The following TSPAN14 variants were observed in gnomAD, a reference collection of about 807,000 sequenced individuals.
TSPAN14 encodes the protein tetraspanin 14, also known as tetraspanin-14.
A neutral mutation model predicts 36.6 loss-of-function variants in TSPAN14; 16 were observed. The observed-to-expected ratio is 0.44, with a 90% CI of 0.30 to 0.66. The LOEUF is 0.66. Ranked by LOEUF, TSPAN14 falls within the 30% of genes least tolerant of loss-of-function variation. The pLI is 0.12. For missense variants in TSPAN14, 231 were observed against 355.1 expected, an observed-to-expected ratio of 0.65 and a Z score of 2.81; for synonymous variants, 139 against 143.8, an observed-to-expected ratio of 0.97 and a Z score of 0.24.
At chr10:80,515,913 T>TG (rs1840914936) in intron 7 of TSPAN14, 2 of 381,700 alleles carry the variant, frequency 5.2e-6, no homozygotes, top group African/African-American at 2.0e-5. Context: ...TCTCCAGATG[T>TG]GGATGGTGGG....
At chr10:80,469,521 A>C (rs1846423173) in intron 1 of TSPAN14, among the ~76,000 whole-genome samples, 1 of 151,162 alleles carries the variant, frequency 6.6e-6, no homozygotes. Flanking sequence ...TGAGACCCTG[A>C]CTCTCCTGCT....
chr10:80,466,739 G>A (rs1189460732), intron 1 of TSPAN14, among the ~76,000 whole-genome samples: 3 of 152,180 alleles, frequency 2.0e-5, no homozygotes, highest in African/African-American at 7.2e-5. Context: ...TCTGCGTCCT[G>A]GGAAAAGCAC....
At chr10:80,494,770 G>A (rs1272813345) in intron 2 of TSPAN14, among the ~76,000 whole-genome samples, 4 of 152,188 alleles carry the variant, frequency 2.6e-5, no homozygotes, top group Non-Finnish European at 5.9e-5. Context: ...AAAGTCTAGT[G>A]TTTTAATAAT....
chr10:80,503,079 C>A (rs1289599167), intron 2 of TSPAN14, among the ~76,000 whole-genome samples: 1 of 151,140 alleles, frequency 6.6e-6, no homozygotes, highest in Non-Finnish European at 1.5e-5. Context: ...CCAGCTTTGG[C>A]AAGAGGGAGG....
intron 1 of TSPAN14, chr10:80,485,636 C>G (rs918447997): frequency 2.0e-6 from 2 of 985,292 alleles, no homozygotes; most frequent in African/African-American, 3.5e-5. Context: ...GATCTGCCAG[C>G]CCCACAGAGG....
intron 1 of TSPAN14, chr10:80,485,706 G>A: frequency 1.0e-6 from 1 of 985,368 alleles, no homozygotes; most frequent in Non-Finnish European, 1.2e-6. Flanking sequence ...ATTGAGAGGT[G>A]CCTTCCCTCC....
At chr10:80,504,510 C>A (rs1840180503) in intron 2 of TSPAN14, among the ~76,000 whole-genome samples, 1 of 152,216 alleles carries the variant, frequency 6.6e-6, no homozygotes, top group Admixed American at 6.5e-5. Flanking sequence ...TTTCCTCTTC[C>A]TTCCCTGGGG....
intron 1 of TSPAN14, among the ~76,000 whole-genome samples, chr10:80,477,137 C>T (rs184202285): frequency 6.6e-6 from 1 of 152,374 alleles, no homozygotes; most frequent in African/African-American, 2.4e-5. Context: ...TGCTGCTTCT[C>T]TGCCTTCCTC....
rs1564745246 is a variant in TSPAN14, at chr10:80,511,758, CT to C, written c.451-385del. On this transcript the variant is annotated intron_variant, in intron 5 of 8. Coordinates refer to ENST00000429989, the Ensembl canonical transcript of TSPAN14. Reference sequence around the variant, plus strand: ...TCTCTCTCTCTCTCTCTCTCTCTCTCTCTCTCTCTCTCTCCCCTTTTTTCTT... The same window carrying C: ...TCTCTCTCTCTCTCTCTCTCTCTCTCCTCTCTCTCTCTCCCCTTTTTTCTT... Among the ~76,000 whole-genome samples the C allele has an allele frequency of 6.5e-3, 926 of 141,438 alleles. 23 individuals carry two copies. The highest frequency in any genetic ancestry group is 0.019 in the South Asian group (82 of 4,370). The allele number at this position is 141,438 out of a possible 152,430, so 92.8% of individuals were successfully genotyped here.
At chr10:80,511,356 A>C (rs1184901610) in intron 5 of TSPAN14, among the ~76,000 whole-genome samples, 1 of 152,112 alleles carries the variant, frequency 6.6e-6, no homozygotes, top group Non-Finnish European at 1.5e-5. Context: ...AAAGGGGTGA[A>C]AAGGGGAATT....
intron 1 of TSPAN14, among the ~76,000 whole-genome samples, chr10:80,456,111 A>T (rs58082336): frequency 6.6e-6 from 1 of 152,106 alleles, no homozygotes; most frequent in Admixed American, 6.5e-5. Flanking sequence ...TGTTGCAGGC[A>T]CTATTCCAAG....
chr10:80,504,260 G>T (rs554517173), intron 2 of TSPAN14, among the ~76,000 whole-genome samples: 7 of 152,322 alleles, frequency 4.6e-5, no homozygotes, highest in Admixed American at 3.9e-4. Context: ...GGGGTGTGTG[G>T]CAGAGATGCT....
intron 1 of TSPAN14, among the ~76,000 whole-genome samples, chr10:80,488,010 G>C (rs1317284224): frequency 6.6e-6 from 1 of 152,214 alleles, no homozygotes; most frequent in Admixed American, 6.5e-5. Context: ...AAGGGGTTTT[G>C]CAAGTAGCCA....
intron 5 of TSPAN14, among the ~76,000 whole-genome samples, chr10:80,510,961 G>A (rs1417415952): frequency 6.6e-6 from 1 of 152,234 alleles, no homozygotes; most frequent in Non-Finnish European, 1.5e-5. Flanking sequence ...CTTCCTTGGA[G>A]TGAAATTTCA....
chr10:80,461,654 G>T (rs567222655), intron 1 of TSPAN14, among the ~76,000 whole-genome samples: 3 of 151,976 alleles, frequency 2.0e-5, no homozygotes, highest in Non-Finnish European at 4.4e-5. Context: ...TAGCCCTGAC[G>T]CTCCCCTCCA....
chr10:80,454,316 G>C (rs978654442), exon 1 of TSPAN14: 1 of 151,536 alleles, frequency 6.6e-6, no homozygotes, highest in Non-Finnish European at 1.5e-5. Flanking sequence ...CGCGGAACTT[G>C]CTCTAACTTC....
intron 1 of TSPAN14, among the ~76,000 whole-genome samples, chr10:80,468,182 C>G (rs1846342943): frequency 1.3e-5 from 2 of 152,100 alleles, no homozygotes; most frequent in South Asian, 4.2e-4. Context: ...GGCCCGCCCA[C>G]CCAAACCAGC....
At chr10:80,506,086 C>T (rs118164946) in intron 3 of TSPAN14, among the ~76,000 whole-genome samples, 2,655 of 152,282 alleles carry the variant, frequency 0.017, 106 homozygotes, top group East Asian at 0.13. Context: ...ATTCTTGTGC[C>T]TCACCCTCCC....
rs542285374 is a variant in TSPAN14, at chr10:80,490,735, AGAG to A, written c.81+1425_81+1427del. On this transcript the variant is annotated intron_variant, in intron 2 of 8. Transcript: ENST00000429989. ...GTTCTTCCAAGGATGCTTGCCTTAA[AGAG>A]GAGAAGAAAAATTTGGACACTGGCT... 1.7e-3 allele frequency among the ~76,000 whole-genome samples: 258 copies of A among 152,284 alleles called. 1 individual carries two copies. The highest frequency in any genetic ancestry group is 6.1e-3 in the African/African-American group (253 of 41,558).
Sources: gnomAD v4.1 joint callset for allele counts (sites outside exome capture counted in the v4.1 genomes callset) on GRCh38, gnomAD v4.1.1 for gene constraint, MANE v1.5 for transcripts, NCBI Gene and HGNC (gene_info 2026-07-23, HGNC 2026-07-21) for gene names.